The following BMPR1B variants were observed in gnomAD, a reference collection of about 807,000 sequenced individuals.
BMPR1B encodes the protein bone morphogenetic protein receptor type 1B.
In BMPR1B, 12 loss-of-function variants were observed where a neutral mutation model predicts 59.1. The observed-to-expected ratio is 0.20, with a 90% CI of 0.13 to 0.33. The LOEUF (loss-of-function observed/expected upper bound fraction) is 0.33. Ranked by LOEUF, BMPR1B falls within the 10% of genes least tolerant of loss-of-function variation. The pLI, the probability that BMPR1B is intolerant of heterozygous loss-of-function variation, is 1.00. For synonymous variants in BMPR1B, 237 were observed against 207.3 expected (o/e 1.14, Z -1.23); for missense variants, 550 against 610.9 (o/e 0.90, Z 1.05).
At chr4:94,882,970 G>T (rs916705285) in intron 2 of BMPR1B, among the ~76,000 whole-genome samples, 2 of 134,594 alleles carry the variant, frequency 1.5e-5, no homozygotes, top group African/African-American at 5.7e-5. Context: ...GTGTGTGCGT[G>T]TGTGTGTATG....
intron 2 of BMPR1B, among the ~76,000 whole-genome samples, chr4:94,965,130 G>A (rs1407636922): frequency 2.6e-5 from 4 of 152,158 alleles, no homozygotes; most frequent in South Asian, 2.1e-4. Flanking sequence ...GGATTAGTCA[G>A]ACATTAACCC....
At chr4:95,078,674 A>C in intron 3 of BMPR1B, among the ~76,000 whole-genome samples, 1 of 152,080 alleles carries the variant, frequency 6.6e-6, no homozygotes, top group Middle Eastern at 3.4e-3. Flanking sequence ...ACCCTCTCAC[A>C]TGCATGTTCC....
intron 3 of BMPR1B, among the ~76,000 whole-genome samples, chr4:95,099,017 T>C (rs914186831): frequency 6.6e-6 from 1 of 152,244 alleles, no homozygotes; most frequent in East Asian, 1.9e-4. Flanking sequence ...CACCCGGCCA[T>C]CAATTATTTT....
rs1352226714 is a variant in BMPR1B at position 95,157,264 on chromosome 4, G to C, written c.*2591G>C. On this transcript the variant is annotated 3_prime_UTR_variant, in exon 13 of 13. Coordinates refer to ENST00000515059, the MANE Select transcript of BMPR1B (RefSeq NM_001203.3). ...TAAAAAGACCCACTTAGCGATTATA[G>C]TTGCTCAATGAAACAAGAATTTATT... 1 of 152,022 alleles carries C rather than the reference G, an allele frequency of 6.6e-6. No homozygotes were observed. The highest frequency in any genetic ancestry group is 1.5e-5 in the Non-Finnish European group (1 of 67,976). 9.4% of individuals were successfully genotyped at this position (152,022 alleles called of 1,614,324 possible). A position where few individuals can be genotyped will look rare whatever the true frequency, so the allele number is the denominator to read the frequency against.
chr4:95,148,156 CCTT>C (rs1734777351), intron 10 of BMPR1B, among the ~76,000 whole-genome samples: 1 of 152,166 alleles, frequency 6.6e-6, no homozygotes, highest in Non-Finnish European at 1.5e-5. Context: ...TTGGTTCTCT[CCTT>C]CTCCCCTTTT....
intron 2 of BMPR1B, among the ~76,000 whole-genome samples, chr4:94,905,684 C>T (rs1348481475): frequency 2.0e-5 from 3 of 151,932 alleles, no homozygotes; most frequent in Admixed American, 1.3e-4. Flanking sequence ...AGCCTGGCAG[C>T]TGTGATACTC....
intron 2 of BMPR1B, among the ~76,000 whole-genome samples, chr4:94,896,939 ATGT>A (rs1727611276): frequency 6.6e-6 from 1 of 152,054 alleles, no homozygotes; most frequent in African/African-American, 2.4e-5. Flanking sequence ...TGATTACTGT[ATGT>A]TTAGTAGGCA....
At chr4:94,843,682 A>C (rs1316610882) in intron 1 of BMPR1B, among the ~76,000 whole-genome samples, 2 of 152,006 alleles carry the variant, frequency 1.3e-5, no homozygotes, top group Non-Finnish European at 2.9e-5. Context: ...TTTGAACTTT[A>C]AAAGGTTTTG....
rs961033739 is a variant in BMPR1B at position 94,893,507 on chromosome 4, T to A, written c.-113+17607T>A. 2.1e-4 allele frequency among the ~76,000 whole-genome samples: 32 copies of A among 152,046 alleles called. No homozygotes were observed. In the South Asian group the frequency reaches 2.3e-3, roughly 11 times the overall value. On this transcript the variant is annotated intron_variant, in intron 2 of 12. Coordinates refer to ENST00000515059, the MANE Select transcript of BMPR1B (RefSeq NM_001203.3). Reference sequence around the variant, plus strand: ...ATATGACTTCTCTTGTTCTTTTTTTTAAAAATTTCACAAATTTGGGACACA... The same window carrying A: ...ATATGACTTCTCTTGTTCTTTTTTTAAAAAATTTCACAAATTTGGGACACA...
rs1244741095 is a variant in BMPR1B, at chr4:95,096,308, T to C, written c.-17-8100T>C. The stretch of plus-strand genomic sequence containing the variant: ...TAAAAACATGTATATAACTGCAATA[T>C]ATTTTCCAGAAAAGATATTCAGGAT... On this transcript the variant is annotated intron_variant, in intron 3 of 12. Coordinates refer to ENST00000515059, the MANE Select transcript of BMPR1B (RefSeq NM_001203.3). Among the ~76,000 whole-genome samples the C allele has an allele frequency of 3.3e-5, 5 of 151,824 alleles. No homozygotes were observed. The East Asian group carries it at 7.7e-4, about 23-fold the overall frequency.
chr4:94,881,111 C>T (rs780876424), intron 2 of BMPR1B, among the ~76,000 whole-genome samples: 5 of 152,100 alleles, frequency 3.3e-5, no homozygotes, highest in African/African-American at 4.8e-5. Context: ...CTGTGGCATT[C>T]AGTATGTTTA....
chr4:94,800,443 T>C lies in BMPR1B; in HGVS notation c.-183+42375T>C, dbSNP rs957263099. On this transcript the variant is annotated intron_variant, in intron 1 of 12. Transcript: ENST00000515059. ...AGGAAGCAAAATATTTTAGGGTCTT[T>C]ACTATTTTTTTTTTTTTTTTTTTTG... 6.0e-5 allele frequency among the ~76,000 whole-genome samples: 9 copies of C among 149,276 alleles called. No individual in the cohort carries two copies. In the South Asian group the frequency reaches 6.4e-4, roughly 11 times the overall value.
intron 2 of BMPR1B, among the ~76,000 whole-genome samples, chr4:94,914,309 T>G (rs1156684135): frequency 6.6e-6 from 1 of 152,146 alleles, no homozygotes; most frequent in East Asian, 1.9e-4. Flanking sequence ...GGACCAGATT[T>G]ACGGGTGAAG....
At chr4:94,868,491 C>T (rs1161112539) in intron 1 of BMPR1B, among the ~76,000 whole-genome samples, 1 of 152,148 alleles carries the variant, frequency 6.6e-6, no homozygotes, top group Non-Finnish European at 1.5e-5. Context: ...GAATGCCTTA[C>T]TTTTTTATTC....
At chr4:95,065,875 G>A (rs542020011) in intron 3 of BMPR1B, among the ~76,000 whole-genome samples, 5 of 151,970 alleles carry the variant, frequency 3.3e-5, no homozygotes, top group Non-Finnish European at 7.4e-5. Context: ...GAATTTTACC[G>A]AAACAGTTTT....
At chr4:94,993,194 C>CTAGTATA (rs1721854605) in intron 2 of BMPR1B, among the ~76,000 whole-genome samples, 1 of 152,064 alleles carries the variant, frequency 6.6e-6, no homozygotes, top group Non-Finnish European at 1.5e-5. Flanking sequence ...TGTGCCCAGC[C>CTAGTATA]CAGTATATAG....
intron 2 of BMPR1B, among the ~76,000 whole-genome samples, chr4:94,915,559 TAA>T (rs1728451871): frequency 6.6e-6 from 1 of 152,210 alleles, no homozygotes; most frequent in African/African-American, 2.4e-5. Context: ...ATCTTTTCTG[TAA>T]TAATACTTCC....
chr4:95,138,045 C>T (rs988490552), intron 10 of BMPR1B, among the ~76,000 whole-genome samples: 4 of 152,256 alleles, frequency 2.6e-5, no homozygotes, highest in South Asian at 2.1e-4. Context: ...TGGCTGCTAC[C>T]GGTTGTTCCT....
chr4:95,009,330 A>G (rs1723067736), intron 3 of BMPR1B, among the ~76,000 whole-genome samples: 1 of 152,212 alleles, frequency 6.6e-6, no homozygotes, highest in Non-Finnish European at 1.5e-5. Flanking sequence ...TTTTAATAGT[A>G]GTAGTATACA....
Sources: allele counts gnomAD v4.1 joint callset (sites outside exome capture counted in the v4.1 genomes callset), GRCh38; gene constraint gnomAD v4.1.1; transcripts MANE v1.5; gene names NCBI Gene and HGNC (gene_info 2026-07-23, HGNC 2026-07-21).